The following LY6S variants were observed in gnomAD, a reference collection of about 807,000 sequenced individuals.
LY6S encodes lymphocyte antigen 6S.
chr8:143,068,459 C>T, the LY6S span, among the ~76,000 whole-genome samples: 1 of 151,988 alleles, frequency 6.6e-6, no homozygotes, highest in Admixed American at 6.6e-5. Context: ...TCCCCACAAC[C>T]TGCTTCCCCT....
At chr8:143,066,498 C>A in the LY6S span, 1 of 255,662 alleles carries the variant, frequency 3.9e-6, no homozygotes, top group South Asian at 5.1e-5. Flanking sequence ...TGTCCTTGGC[C>A]ACACATCAGG....
chr8:143,053,703 C>T, the LY6S span: 4 of 152,210 alleles, frequency 2.6e-5, no homozygotes, highest in African/African-American at 7.2e-5. Flanking sequence ...AGTATTTCCC[C>T]TTCTGCCTTT....
chr8:143,070,474 TAAATATATATA>T, the LY6S span, among the ~76,000 whole-genome samples: 4 of 49,782 alleles, frequency 8.0e-5, no homozygotes, highest in African/African-American at 3.1e-4. Flanking sequence ...AATATATATA[TAAATATATATA>T]TATATTTTTT....
chr8:143,043,347 G>A, the LY6S span: 1 of 941,572 alleles, frequency 1.1e-6, no homozygotes, highest in African/African-American at 1.7e-5. Flanking sequence ...ACCTGCGAGA[G>A]AGCGGGGTGG....
the LY6S span, chr8:143,044,373 T>G: frequency 2.5e-6 from 1 of 395,226 alleles, no homozygotes. Context: ...GCTGGGATGG[T>G]TTCCACAGTA....
the LY6S span, chr8:143,054,412 C>A: frequency 6.6e-6 from 1 of 152,130 alleles, no homozygotes; most frequent in African/African-American, 2.4e-5. Context: ...CTCTACCATC[C>A]CCTGATGGGC....
At chr8:143,044,499 C>T in the LY6S span, 2 of 427,868 alleles carry the variant, frequency 4.7e-6, no homozygotes, top group East Asian at 7.2e-5. Flanking sequence ...GCCGCTCTTC[C>T]ACCCTTCCCT....
At chr8:143,062,845 G>T in the LY6S span, among the ~76,000 whole-genome samples, 1 of 152,056 alleles carries the variant, frequency 6.6e-6, no homozygotes, top group African/African-American at 2.4e-5. Flanking sequence ...GTCAAAATTC[G>T]CCTGCTGAGT....
At chr8:143,055,203 T>G in the LY6S span, among the ~76,000 whole-genome samples, 1 of 151,424 alleles carries the variant, frequency 6.6e-6, no homozygotes, top group Non-Finnish European at 1.5e-5. Context: ...TTTTTTTTTT[T>G]TGTTGTTGTT....
the LY6S span, among the ~76,000 whole-genome samples, chr8:143,063,451 C>T: frequency 6.6e-6 from 1 of 152,322 alleles, no homozygotes; most frequent in African/African-American, 2.4e-5. Flanking sequence ...GCAGGGCTCT[C>T]GTAAGGGCAA....
chr8:143,072,515 C>A, the LY6S span, among the ~76,000 whole-genome samples: 1 of 133,546 alleles, frequency 7.5e-6, no homozygotes, highest in African/African-American at 3.1e-5. Context: ...CCGTCGTCCT[C>A]GGGATTCCTG....
At chr8:143,046,868 G>T in the LY6S span, among the ~76,000 whole-genome samples, 1 of 151,954 alleles carries the variant, frequency 6.6e-6, no homozygotes, top group African/African-American at 2.4e-5. Context: ...TGGCGTGGTG[G>T]CGGGCACCTG....
At chr8:143,055,156 T>C in the LY6S span, among the ~76,000 whole-genome samples, 1 of 152,232 alleles carries the variant, frequency 6.6e-6, no homozygotes, top group East Asian at 1.9e-4. Context: ...TGCTGATTAT[T>C]ACCACACTTT....
chr8:143,055,919 T>G, the LY6S span, among the ~76,000 whole-genome samples: 2 of 152,124 alleles, frequency 1.3e-5, no homozygotes, highest in African/African-American at 4.8e-5. Flanking sequence ...TATCGAGTTC[T>G]CTGATCAGGA....
At chr8:143,052,350 G>C in the LY6S span, among the ~76,000 whole-genome samples, 1 of 152,162 alleles carries the variant, frequency 6.6e-6, no homozygotes. Flanking sequence ...TAGACCATCT[G>C]TTTATGGGCA....
the LY6S span, among the ~76,000 whole-genome samples, chr8:143,069,826 T>C: frequency 2.9e-3 from 446 of 152,280 alleles, 1 homozygote; most frequent in African/African-American, 0.01. Context: ...CACCTGAACC[T>C]GTGGCGTCTA....
chr8:143,044,187 G>A, the LY6S span: 1 of 456,310 alleles, frequency 2.2e-6, no homozygotes, highest in Non-Finnish European at 4.4e-6. Flanking sequence ...CTTCCAGGCA[G>A]GTAACTCACT....
the LY6S span, among the ~76,000 whole-genome samples, chr8:143,059,386 A>C: frequency 6.6e-6 from 1 of 151,998 alleles, no homozygotes; most frequent in African/African-American, 2.4e-5. Context: ...GTTTGGGGTC[A>C]TGATTTACTG....
chr8:143,041,189 G>C, the LY6S span, among the ~76,000 whole-genome samples: 6 of 152,288 alleles, frequency 3.9e-5, no homozygotes, highest in Non-Finnish European at 8.8e-5. Context: ...ATCCTAATAA[G>C]CCTGGGAGCA....
Sources: gnomAD v4.1 joint callset for allele counts (sites outside exome capture counted in the v4.1 genomes callset) on GRCh38, gnomAD v4.1.1 for gene constraint, MANE v1.5 for transcripts, NCBI Gene and HGNC (gene_info 2026-07-23, HGNC 2026-07-21) for gene names.